Variants in SCP2 observed in about 807,000 individuals in gnomAD.
SCP2 encodes sterol carrier protein 2, also known as SCP-2/3-oxoacyl-CoA thiolase.
In SCP2, 48 loss-of-function variants were observed where a neutral mutation model predicts 71.4. The ratio of observed to expected loss-of-function variants is 0.67; its 90% CI spans 0.53 to 0.86. The LOEUF is 0.86. SCP2 is among the 40% of genes least tolerant of loss of function. SCP2 has a pLI of 0.00. For missense variants in SCP2, 560 were observed against 655.6 expected, an observed-to-expected ratio of 0.85 and a Z score of 1.59; for synonymous variants, 220 against 218.1, an observed-to-expected ratio of 1.01 and a Z score of -0.08.
intron 1 of SCP2, among the ~76,000 whole-genome samples, chr1:52,927,846 C>T (rs532466177): frequency 6.6e-6 from 1 of 152,318 alleles, no homozygotes; most frequent in East Asian, 1.9e-4. Flanking sequence ...ACAGAGACAG[C>T]TCCAGATGTG....
chr1:52,997,996 C>T (rs1660050390), intron 11 of SCP2, among the ~76,000 whole-genome samples: 1 of 152,336 alleles, frequency 6.6e-6, no homozygotes, highest in African/African-American at 2.4e-5. Flanking sequence ...TGGAATCATA[C>T]AGCACATGTA....
chr1:52,953,867 C>A (rs1489812219), intron 4 of SCP2, among the ~76,000 whole-genome samples: 1 of 149,734 alleles, frequency 6.7e-6, no homozygotes, highest in African/African-American at 2.5e-5. Flanking sequence ...CATGGTGCCA[C>A]AGGCCTGCAG....
chr1:52,946,143 G>A (rs1296026988), intron 2 of SCP2, among the ~76,000 whole-genome samples: 3 of 151,742 alleles, frequency 2.0e-5, no homozygotes, highest in Non-Finnish European at 4.4e-5. Flanking sequence ...TGCCCAGGTT[G>A]GTCTTGAGGT....
At chr1:52,939,672 T>G (rs1345993090) in intron 1 of SCP2, among the ~76,000 whole-genome samples, 1 of 152,168 alleles carries the variant, frequency 6.6e-6, no homozygotes, top group Non-Finnish European at 1.5e-5. Context: ...GTGTGCTTTA[T>G]TTTTGCTTTA....
At chr1:52,960,507 T>TGA (rs1456333574) in intron 5 of SCP2, among the ~76,000 whole-genome samples, 4 of 150,186 alleles carry the variant, frequency 2.7e-5, no homozygotes, top group Non-Finnish European at 1.5e-5. Flanking sequence ...TGTGTGTGTG[T>TGA]GTGTGTGTGT....
intron 11 of SCP2, among the ~76,000 whole-genome samples, chr1:52,998,486 C>T (rs560041293): frequency 2.6e-5 from 4 of 151,926 alleles, no homozygotes; most frequent in Admixed American, 6.6e-5. Context: ...GTCTCAGCTA[C>T]CCAAGAGGCC....
chr1:53,039,935 C>T (rs746492251), intron 14 of SCP2, among the ~76,000 whole-genome samples: 2 of 152,330 alleles, frequency 1.3e-5, no homozygotes, highest in Non-Finnish European at 2.9e-5. Flanking sequence ...GATATTTCTT[C>T]TCCCCTCTAA....
intron 10 of SCP2, among the ~76,000 whole-genome samples, chr1:52,982,345 C>T (rs770329287): frequency 5.1e-4 from 77 of 152,102 alleles, no homozygotes; most frequent in African/African-American, 2.4e-5. Context: ...CCAAGGCGGG[C>T]AGATAACGAG....
intron 10 of SCP2, among the ~76,000 whole-genome samples, chr1:52,983,986 T>G (rs1481812109): frequency 6.6e-6 from 1 of 152,208 alleles, no homozygotes; most frequent in Non-Finnish European, 1.5e-5. Context: ...CTGTCTTGCC[T>G]TCTGAGGGTG....
chr1:53,024,727 A>G (rs57871697), intron 12 of SCP2, among the ~76,000 whole-genome samples: 20,778 of 151,472 alleles, frequency 0.14, 2,030 homozygotes, highest in East Asian at 0.32. Flanking sequence ...GCACACCACA[A>G]TGCCCGGCTA....
intron 13 of SCP2, among the ~76,000 whole-genome samples, chr1:53,031,543 A>G (rs1018162931): frequency 1.3e-5 from 2 of 152,162 alleles, no homozygotes; most frequent in Non-Finnish European, 1.5e-5. Context: ...TTTTGTCCCT[A>G]TTAAGTTTGC....
At chr1:53,010,265 A>G (rs561008083) in intron 11 of SCP2, among the ~76,000 whole-genome samples, 1 of 152,354 alleles carries the variant, frequency 6.6e-6, no homozygotes, top group South Asian at 2.1e-4. Context: ...TGACCCAGCC[A>G]TCCCATTACT....
At chr1:52,979,618 A>G (rs1008402190) in intron 9 of SCP2, among the ~76,000 whole-genome samples, 4 of 152,324 alleles carry the variant, frequency 2.6e-5, no homozygotes, top group Admixed American at 2.6e-4. Flanking sequence ...CATTTTATAT[A>G]GAAATTCTCC....
intron 13 of SCP2, among the ~76,000 whole-genome samples, chr1:53,030,709 T>C (rs1394936274): frequency 6.6e-6 from 1 of 151,822 alleles, no homozygotes; most frequent in East Asian, 1.9e-4. Flanking sequence ...CTGGCCAACA[T>C]AGCAAAACCC....
intron 10 of SCP2, among the ~76,000 whole-genome samples, chr1:52,982,352 C>T (rs879664443): frequency 2.6e-5 from 4 of 152,216 alleles, no homozygotes; most frequent in East Asian, 3.9e-4. Flanking sequence ...GGGCAGATAA[C>T]GAGGTCAGGA....
At chr1:52,983,836 C>T (rs1258561576) in intron 10 of SCP2, among the ~76,000 whole-genome samples, 1 of 152,142 alleles carries the variant, frequency 6.6e-6, no homozygotes, top group Admixed American at 6.5e-5. Flanking sequence ...GTATTGGTTA[C>T]ATTTTCTGAT....
chr1:53,045,027 C>T (rs1663696297), intron 14 of SCP2, among the ~76,000 whole-genome samples: 1 of 152,184 alleles, frequency 6.6e-6, no homozygotes, highest in African/African-American at 2.4e-5. Flanking sequence ...TTATGGCCTG[C>T]AGACCAAATC....
At chr1:53,000,876 G>C (rs1243680014) in intron 11 of SCP2, among the ~76,000 whole-genome samples, 2 of 151,994 alleles carry the variant, frequency 1.3e-5, no homozygotes, top group African/African-American at 4.8e-5. Context: ...GGTAGCTTGA[G>C]CCCAGTAGGC....
At chr1:52,964,965 C>T (rs1045633335) in intron 6 of SCP2, among the ~76,000 whole-genome samples, 19 of 152,210 alleles carry the variant, frequency 1.2e-4, no homozygotes, top group East Asian at 3.9e-4. Flanking sequence ...GAGCCGAGAT[C>T]GCGCCACTGC....
Sources: gnomAD v4.1 joint callset for allele counts (sites outside exome capture counted in the v4.1 genomes callset) on GRCh38, gnomAD v4.1.1 for gene constraint, MANE v1.5 for transcripts, NCBI Gene and HGNC (gene_info 2026-07-23, HGNC 2026-07-21) for gene names.